KLHL29: variants seen among roughly 807,000 people sequenced by gnomAD.
KLHL29 encodes kelch-like protein 29.
Under a neutral mutation model 80.4 loss-of-function variants are expected in KLHL29, and 21 were observed. That is an observed-to-expected ratio of 0.26 (90% CI 0.19 to 0.38). KLHL29 has a LOEUF of 0.38. Among genes scored for constraint, KLHL29 ranks in the 10% least tolerant of loss-of-function variants. The pLI, the probability that KLHL29 is intolerant of heterozygous loss-of-function variation, is 1.00. For synonymous variants in KLHL29, 511 were observed against 526.8 expected (o/e 0.97, Z 0.41); for missense variants, 867 against 1,223.9 (o/e 0.71, Z 4.35).
rs192336535 is a variant in KLHL29, at chr2:23,545,554, G to A, written c.-45-16598G>A. ...GACACCCGCAGAGCTCAGGGGTGTG[G>A]AGAGAGATGCAGGCACCACCTCGTG... On this transcript the variant is annotated intron_variant, in intron 2 of 13. Coordinates refer to ENST00000486442, the MANE Select transcript of KLHL29 (RefSeq NM_052920.2). Among the ~76,000 whole-genome samples the A allele has an allele frequency of 2.6e-3, 390 of 152,354 alleles. 3 individuals carry two copies. Among genetic ancestry groups the A allele is most frequent in the African/African-American group, 8.8e-3 (367 of 41,578 alleles).
chr2:23,399,754 A>G (rs1371613931), intron 1 of KLHL29, among the ~76,000 whole-genome samples: 1 of 151,782 alleles, frequency 6.6e-6, no homozygotes, highest in Non-Finnish European at 1.5e-5. Context: ...CTTCTTTCCA[A>G]CCACTTTCTG....
chr2:23,597,307 ATATGTGTGTG>A (rs1668435771), intron 3 of KLHL29, among the ~76,000 whole-genome samples: 8 of 106,612 alleles, frequency 7.5e-5, no homozygotes, highest in East Asian at 3.2e-4. Flanking sequence ...ATATATATAT[ATATGTGTGTG>A]TGTGTGTGTG....
intron 2 of KLHL29, among the ~76,000 whole-genome samples, chr2:23,499,193 T>G (rs1279081572): frequency 6.6e-6 from 1 of 152,164 alleles, no homozygotes; most frequent in Non-Finnish European, 1.5e-5. Flanking sequence ...GCCTGGGTAC[T>G]CAGTTTCCAT....
intron 6 of KLHL29, among the ~76,000 whole-genome samples, chr2:23,688,317 C>T (rs1364939627): frequency 6.6e-6 from 1 of 152,198 alleles, no homozygotes; most frequent in Admixed American, 6.5e-5. Flanking sequence ...GAGCTGGGTA[C>T]CAGCCACCTG....
intron 2 of KLHL29, among the ~76,000 whole-genome samples, chr2:23,545,313 G>A (rs1411126724): frequency 6.6e-6 from 1 of 152,206 alleles, no homozygotes; most frequent in Admixed American, 6.5e-5. Flanking sequence ...TCCCCCAAGT[G>A]GCCTTGAGCA....
intron 5 of KLHL29, chr2:23,668,140 TA>T (rs1670605760): frequency 6.6e-6 from 1 of 152,400 alleles, no homozygotes; most frequent in Admixed American, 6.5e-5. Context: ...TGTGCTTCCC[TA>T]CCTTGAGTCT....
intron 1 of KLHL29, among the ~76,000 whole-genome samples, chr2:23,434,990 GCA>G (rs1357115314): frequency 1.3e-5 from 2 of 152,334 alleles, no homozygotes; most frequent in Non-Finnish European, 2.9e-5. Flanking sequence ...GATGTCATTG[GCA>G]TAAACAAGAC....
intron 2 of KLHL29, among the ~76,000 whole-genome samples, chr2:23,504,398 G>A (rs1020753760): frequency 6.6e-6 from 1 of 152,192 alleles, no homozygotes; most frequent in Non-Finnish European, 1.5e-5. Flanking sequence ...AGAGCTACAG[G>A]CAGGGATGTC....
At chr2:23,432,067 A>G (rs1181200772) in intron 1 of KLHL29, among the ~76,000 whole-genome samples, 3 of 152,184 alleles carry the variant, frequency 2.0e-5, no homozygotes, top group African/African-American at 7.2e-5. Flanking sequence ...CATTTCTCGA[A>G]GTTTCCTCAA....
chr2:23,568,780 C>T (rs1395040517), intron 3 of KLHL29, among the ~76,000 whole-genome samples: 1 of 152,154 alleles, frequency 6.6e-6, no homozygotes, highest in Non-Finnish European at 1.5e-5. Flanking sequence ...TGCAATCTAC[C>T]CATGGAGTGT....
At chr2:23,399,726 C>T (rs926949213) in intron 1 of KLHL29, among the ~76,000 whole-genome samples, 1 of 152,222 alleles carries the variant, frequency 6.6e-6, no homozygotes, top group East Asian at 1.9e-4. Flanking sequence ...CTCCTGCCCT[C>T]TTCTGGTCAA....
intron 1 of KLHL29, among the ~76,000 whole-genome samples, chr2:23,395,465 G>A (rs1364644505): frequency 6.6e-6 from 1 of 152,224 alleles, no homozygotes. Context: ...TACGATTGCA[G>A]GCCAGGCATG....
intron 2 of KLHL29, among the ~76,000 whole-genome samples, chr2:23,526,244 G>A (rs1176549135): frequency 3.9e-5 from 6 of 152,064 alleles, no homozygotes; most frequent in East Asian, 1.9e-4. Context: ...CATTGCCAGC[G>A]CATGCAGTTC....
chr2:23,537,477 C>T (rs912029928), intron 2 of KLHL29, among the ~76,000 whole-genome samples: 8 of 139,418 alleles, frequency 5.7e-5, no homozygotes, highest in Non-Finnish European at 8.1e-5. Context: ...GGCACGCACA[C>T]GCTTCTCCAG....
chr2:23,459,230 T>G (rs1308367618), intron 1 of KLHL29, among the ~76,000 whole-genome samples: 4 of 152,078 alleles, frequency 2.6e-5, no homozygotes, highest in Admixed American at 2.6e-4. Context: ...TTGCTTTGAT[T>G]TGTTTGGGTG....
chr2:23,676,275 C>G (rs1028882283), intron 5 of KLHL29, among the ~76,000 whole-genome samples: 1 of 152,148 alleles, frequency 6.6e-6, no homozygotes. Flanking sequence ...CTCCGCTTCC[C>G]GGGTTCACAC....
intron 13 of KLHL29, among the ~76,000 whole-genome samples, chr2:23,705,343 T>C (rs191566315): frequency 6.6e-6 from 1 of 151,980 alleles, no homozygotes; most frequent in Non-Finnish European, 1.5e-5. Context: ...ATACAAAAAT[T>C]AGCCAGGTGT....
intron 3 of KLHL29, among the ~76,000 whole-genome samples, chr2:23,615,198 G>GC (rs556717721): frequency 1.3e-3 from 204 of 152,336 alleles, no homozygotes; most frequent in African/African-American, 4.8e-3. Context: ...ATCCTCACAA[G>GC]CCCGGGGGCA....
chr2:23,419,483 G>A (rs1006325358), intron 1 of KLHL29, among the ~76,000 whole-genome samples: 2 of 152,206 alleles, frequency 1.3e-5, no homozygotes, highest in African/African-American at 4.8e-5. Flanking sequence ...ACGTACACAT[G>A]TGACTTTCCT....
Sources: gnomAD v4.1 joint callset for allele counts (sites outside exome capture counted in the v4.1 genomes callset) on GRCh38, gnomAD v4.1.1 for gene constraint, MANE v1.5 for transcripts, NCBI Gene and HGNC (gene_info 2026-07-23, HGNC 2026-07-21) for gene names.